MAST4: variants seen among roughly 807,000 people sequenced by gnomAD.
MAST4 encodes microtubule associated serine/threonine kinase family member 4.
In MAST4, 89 loss-of-function variants were observed where a neutral mutation model predicts 162.7. The observed-to-expected ratio is 0.55, with a 90% confidence interval of 0.46 to 0.65. MAST4 has a LOEUF of 0.65. Ranked by LOEUF, MAST4 falls within the 30% of genes least tolerant of loss-of-function variation. The pLI, the probability that MAST4 is intolerant of heterozygous loss-of-function variation, is 0.00. For synonymous variants in MAST4, 1,479 were observed against 1,361.1 expected, an observed-to-expected ratio of 1.09 and a Z score of -1.91; for missense variants, 3,153 against 3,374.0, an observed-to-expected ratio of 0.93 and a Z score of 1.62.
At chr5:66,805,987 G>T (rs894180336) in intron 3 of MAST4, among the ~76,000 whole-genome samples, 7 of 152,138 alleles carry the variant, frequency 4.6e-5, no homozygotes, top group African/African-American at 1.7e-4. Context: ...CCATGCTAGC[G>T]GTAGAGGTGT....
At chr5:66,599,895 G>C (rs996703570) in intron 1 of MAST4, among the ~76,000 whole-genome samples, 1 of 150,558 alleles carries the variant, frequency 6.6e-6, no homozygotes, top group Non-Finnish European at 1.5e-5. Flanking sequence ...TGTCTAGCTT[G>C]GGAAATTGAT....
At chr5:66,926,616 A>T (rs945639926) in intron 4 of MAST4, among the ~76,000 whole-genome samples, 2 of 151,576 alleles carry the variant, frequency 1.3e-5, no homozygotes, top group Non-Finnish European at 3.0e-5. Flanking sequence ...ATGTATATGT[A>T]TATATGTGTG....
intron 3 of MAST4, among the ~76,000 whole-genome samples, chr5:66,831,537 C>T (rs149072864): frequency 3.9e-5 from 6 of 152,078 alleles, no homozygotes; most frequent in South Asian, 4.1e-4. Context: ...TTTTAAAACA[C>T]GAGACTATTA....
chr5:66,845,085 TTATA>T (rs752796951), intron 3 of MAST4, among the ~76,000 whole-genome samples: 2,194 of 57,736 alleles, frequency 0.038, 66 homozygotes, highest in East Asian at 0.12. Context: ...TCACTAATCT[TTATA>T]TATATATATA....
intron 4 of MAST4, among the ~76,000 whole-genome samples, chr5:67,052,282 G>A (rs6449843): frequency 0.023 from 3,545 of 152,178 alleles, 158 homozygotes; most frequent in African/African-American, 0.081. Context: ...CAGGATGACT[G>A]TAATGTAAAT....
intron 1 of MAST4, among the ~76,000 whole-genome samples, chr5:66,743,247 C>T (rs1020696464): frequency 1.3e-5 from 2 of 152,142 alleles, no homozygotes; most frequent in African/African-American, 4.8e-5. Context: ...TCCCCTCTTC[C>T]TCCTCATGTA....
rs1755337610 is a variant in MAST4, at chr5:66,790,283, A to G, written c.642+1489A>G. On this transcript the variant is annotated intron_variant, in intron 3 of 28. Transcript: ENST00000403625. ...CCTCTAGTCCTGCTTTTGCCATTAGATAGCTGTATAAACTTGGACAAGTCC... is the reference window on the plus strand; with the variant it reads ...CCTCTAGTCCTGCTTTTGCCATTAGGTAGCTGTATAAACTTGGACAAGTCC... Among the ~76,000 whole-genome samples the G allele has an allele frequency of 4.6e-5, 7 of 152,204 alleles. No individual in the cohort carries two copies. The South Asian group carries it at 1.5e-3, about 32-fold the overall frequency.
intron 1 of MAST4, among the ~76,000 whole-genome samples, chr5:66,597,552 C>T (rs529105518): frequency 2.5e-3 from 376 of 152,242 alleles, no homozygotes; most frequent in Non-Finnish European, 4.1e-3. Context: ...GGCGCGTCCC[C>T]GCAGCGTCGG....
intron 4 of MAST4, among the ~76,000 whole-genome samples, chr5:66,936,645 G>A (rs1742780289): frequency 6.6e-6 from 1 of 152,196 alleles, no homozygotes; most frequent in African/African-American, 2.4e-5. Flanking sequence ...GTTAAGGCAG[G>A]AACAGTCCAT....
At chr5:66,859,092 A>G (rs2149833590) in intron 3 of MAST4, among the ~76,000 whole-genome samples, 1 of 152,278 alleles carries the variant, frequency 6.6e-6, no homozygotes, top group South Asian at 2.1e-4. Context: ...CATTCTATCA[A>G]CTGCAAATAG....
intron 3 of MAST4, among the ~76,000 whole-genome samples, chr5:66,804,854 T>G (rs1024265112): frequency 1.3e-5 from 2 of 152,362 alleles, no homozygotes; most frequent in Admixed American, 1.3e-4. Context: ...TTTGGTATTT[T>G]ATGACTTCAT....
chr5:66,735,290 G>C (rs1322648997), intron 1 of MAST4, among the ~76,000 whole-genome samples: 1 of 152,180 alleles, frequency 6.6e-6, no homozygotes, highest in African/African-American at 2.4e-5. Flanking sequence ...GTATAAGGAT[G>C]AGGTTAAAAA....
At chr5:67,031,638 T>C (rs1755338536) in intron 4 of MAST4, among the ~76,000 whole-genome samples, 1 of 152,160 alleles carries the variant, frequency 6.6e-6, no homozygotes, top group East Asian at 1.9e-4. Flanking sequence ...TACATGTTAA[T>C]TGGCATAACA....
At chr5:66,857,083 G>A (rs1448676667) in intron 3 of MAST4, among the ~76,000 whole-genome samples, 1 of 152,114 alleles carries the variant, frequency 6.6e-6, no homozygotes, top group Non-Finnish European at 1.5e-5. Flanking sequence ...TCCCTTCTCT[G>A]CCCTCCCTCC....
At chr5:66,898,964 A>G (rs926531964) in intron 3 of MAST4, among the ~76,000 whole-genome samples, 3 of 152,212 alleles carry the variant, frequency 2.0e-5, no homozygotes, top group Admixed American at 6.5e-5. Context: ...AGAGACAGGA[A>G]AGGTGAGTTT....
intron 1 of MAST4, among the ~76,000 whole-genome samples, chr5:66,707,550 G>A (rs761283549): frequency 2.0e-5 from 3 of 152,112 alleles, no homozygotes; most frequent in Admixed American, 6.5e-5. Flanking sequence ...GTTTGTGGTT[G>A]GCTCTCTTCT....
chr5:66,601,140 G>T (rs774027203), intron 1 of MAST4, among the ~76,000 whole-genome samples: 32 of 152,176 alleles, frequency 2.1e-4, no homozygotes, highest in Admixed American at 5.2e-4. Flanking sequence ...TGTTGGTTAA[G>T]ACATTAATAG....
chr5:66,646,522 G>A (rs1027719916), intron 1 of MAST4, among the ~76,000 whole-genome samples: 1 of 152,134 alleles, frequency 6.6e-6, no homozygotes, highest in African/African-American at 2.4e-5. Context: ...ACAAAAACAC[G>A]GTGATAAAGC....
chr5:67,041,786 A>G (rs900903448), intron 4 of MAST4, among the ~76,000 whole-genome samples: 8 of 152,096 alleles, frequency 5.3e-5, no homozygotes, highest in Non-Finnish European at 7.4e-5. Context: ...GTGCCACCAC[A>G]CCCAGCTAAT....
Sources: allele counts gnomAD v4.1 joint callset (sites outside exome capture counted in the v4.1 genomes callset), GRCh38; gene constraint gnomAD v4.1.1; transcripts MANE v1.5; gene names NCBI Gene and HGNC (gene_info 2026-07-23, HGNC 2026-07-21).